Variants in CBX3 observed in about 807,000 individuals in gnomAD.
CBX3 encodes the protein chromobox protein homolog 3.
CBX3 carries 5 observed loss-of-function variants against 22.6 expected under a neutral mutation model. The ratio of observed to expected loss-of-function variants is 0.22; its 90% CI spans 0.12 to 0.47. The LOEUF is 0.47. Among genes scored for constraint, CBX3 ranks in the 20% least tolerant of loss-of-function variants. The pLI is 0.99. For synonymous variants in CBX3, 50 were observed against 66.6 expected (o/e 0.75, Z 1.21); for missense variants, 83 against 208.1 (o/e 0.40, Z 3.70).
intron 4 of CBX3, among the ~76,000 whole-genome samples, chr7:26,209,711 C>T (rs1269715995): frequency 3.9e-5 from 6 of 152,050 alleles, no homozygotes; most frequent in African/African-American, 1.2e-4. Flanking sequence ...GTCTCTGTGG[C>T]GTCAGGCAAA....
intron 3 of CBX3, 131 bp from the exon 4 acceptor site, chr7:26,208,262 A>C: frequency 1.6e-6 from 1 of 623,656 alleles, no homozygotes; most frequent in Non-Finnish European, 2.6e-6. Flanking sequence ...GTAGGGAAGG[A>C]GGAAATGATT....
chr7:26,208,581 C>T lies in CBX3; in HGVS notation c.330+26C>T, dbSNP rs762553190. On this transcript the variant is annotated intron_variant, in intron 4 of 5. Coordinates refer to ENST00000396386, the MANE Select transcript of CBX3 (RefSeq NM_016587.4). ...GTAAGTATAAAATATTGCCCACCAG[C>T]TTGTCCTTTTGTAAAAGGTTGATGG... The T allele has an allele frequency of 3.2e-6, 5 of 1,560,658 alleles. No individual in the cohort carries two copies. The African/African-American group carries it at 6.9e-5, about 21-fold the overall frequency.
intron 1 of CBX3, 33 bp from the exon 2 acceptor site, chr7:26,202,938 C>A (rs1467480738): frequency 1.0e-5 from 14 of 1,378,192 alleles, no homozygotes. Flanking sequence ...TTGTGTCATG[C>A]AAACTTACCT....
At chr7:26,211,955 C>A in intron 5 of CBX3, 127 bp from the exon 6 acceptor site, 1 of 930,288 alleles carries the variant, frequency 1.1e-6, no homozygotes, top group Non-Finnish European at 1.5e-6. Flanking sequence ...AACATAGCAA[C>A]AAGTAACATA....
chr7:26,207,454 C>T (rs36032567), intron 3 of CBX3, among the ~76,000 whole-genome samples: 2 of 152,098 alleles, frequency 1.3e-5, no homozygotes, highest in East Asian at 3.9e-4. Context: ...TCTCCCAAAA[C>T]TTAAGGCCAC....
intron 4 of CBX3, among the ~76,000 whole-genome samples, chr7:26,209,229 T>TA (rs1274078590): frequency 6.6e-6 from 1 of 152,206 alleles, no homozygotes; most frequent in African/African-American, 2.4e-5. Context: ...CTTGCTTTTT[T>TA]AAAATTCAGA....
chr7:26,202,266 CGTG>C (rs1214886904), intron 1 of CBX3: 1 of 152,038 alleles, frequency 6.6e-6, no homozygotes, highest in Non-Finnish European at 1.5e-5. Context: ...GCCCAGTTAA[CGTG>C]GCCGCCGCGG....
Position 26,203,031 on chromosome 7 carries a change from A to G in CBX3, c.24+9A>G. On this transcript the variant is annotated intron_variant, in intron 2 of 5. Coordinates refer to ENST00000396386, the MANE Select transcript of CBX3 (RefSeq NM_016587.4). ...CCAACAAAACTACATTGGTAAGTTA[A>G]TGAAAACCTAAAATATGTAAGGATT... 2.0e-6 allele frequency: 3 copies of G among 1,503,900 alleles called. No homozygotes were observed. The highest frequency in any genetic ancestry group is 2.7e-6 in the Non-Finnish European group (3 of 1,115,942). The allele number at this position is 1,503,900 out of a possible 1,614,324, so 93.2% of individuals were successfully genotyped here. A position where few individuals can be genotyped will look rare whatever the true frequency, so the allele number is the denominator to read the frequency against.
At chr7:26,203,630 C>G (rs1014973699) in intron 2 of CBX3, among the ~76,000 whole-genome samples, 3 of 151,934 alleles carry the variant, frequency 2.0e-5, no homozygotes, top group African/African-American at 7.3e-5. Context: ...CTTATTCAGC[C>G]ATGTCATGTT....
chr7:26,211,954 A>G (rs950324514), intron 5 of CBX3, 128 bp from the exon 6 acceptor site: 23 of 929,084 alleles, frequency 2.5e-5, no homozygotes, highest in Non-Finnish European at 3.6e-5. Context: ...GAACATAGCA[A>G]CAAGTAACAT....
At chr7:26,210,920 C>G (rs900033537) in intron 4 of CBX3, among the ~76,000 whole-genome samples, 1 of 151,998 alleles carries the variant, frequency 6.6e-6, no homozygotes, top group African/African-American at 2.4e-5. Context: ...ACTCTGGAAT[C>G]CCCAGTGAAT....
chr7:26,203,642 C>A (rs923274617), intron 2 of CBX3, among the ~76,000 whole-genome samples: 1 of 151,974 alleles, frequency 6.6e-6, no homozygotes, highest in South Asian at 2.1e-4. Flanking sequence ...TGTCATGTTA[C>A]AAGTTTTTTT....
intron 4 of CBX3, chr7:26,210,554 C>CT (rs1784779944): frequency 1.3e-5 from 2 of 152,120 alleles, no homozygotes; most frequent in Non-Finnish European, 2.9e-5. Context: ...ATGTAAAACT[C>CT]TGACAGGAAT....
intron 2 of CBX3, 167 bp from the exon 3 acceptor site, chr7:26,206,201 T>C (rs958146439): frequency 2.5e-5 from 14 of 559,366 alleles, no homozygotes; most frequent in Non-Finnish European, 4.4e-5. Context: ...AAAGCATTCT[T>C]TTATTTTATT....
intron 4 of CBX3, 50 bp from the exon 5 acceptor site, chr7:26,211,612 A>C (rs376571594): frequency 1.0e-5 from 12 of 1,186,372 alleles, no homozygotes; most frequent in Non-Finnish European, 1.5e-5. Context: ...ACGCCATGAA[A>C]ACAATTTAAT....
chr7:26,208,277 T>G, intron 3 of CBX3, 116 bp from the exon 4 acceptor site: 1 of 689,942 alleles, frequency 1.4e-6, no homozygotes, highest in Non-Finnish European at 2.3e-6. Flanking sequence ...ATGATTAGTA[T>G]CTGCAGTACA....
At chr7:26,206,810 T>C (rs1293682901) in intron 3 of CBX3, among the ~76,000 whole-genome samples, 1 of 152,230 alleles carries the variant, frequency 6.6e-6, no homozygotes. Context: ...CTAATTAGAA[T>C]AATCTGCATT....
chr7:26,203,295 T>C, intron 2 of CBX3, among the ~76,000 whole-genome samples: 1 of 152,298 alleles, frequency 6.6e-6, no homozygotes, highest in Non-Finnish European at 1.5e-5. Flanking sequence ...CAAATAGAAA[T>C]ACACACATTT....
Position 26,212,837 on chromosome 7 carries a change from G to A in CBX3, c.*629G>A, listed in dbSNP as rs3735554. 6.6e-6 allele frequency: 1 copy of A among 152,256 alleles called. No homozygotes were observed. Among genetic ancestry groups the A allele is most frequent in the Non-Finnish European group, 1.5e-5 (1 of 68,046 alleles). 9.4% of individuals were successfully genotyped at this position (152,256 alleles called of 1,614,324 possible). On this transcript the variant is annotated 3_prime_UTR_variant, in exon 6 of 6. Transcript: ENST00000396386. Reference sequence around the variant, plus strand: ...GGATAATTTTAAAGTGTCTATAATTGCAGTGGTTTATTTGCAAAATTCCTA... The same window carrying A: ...GGATAATTTTAAAGTGTCTATAATTACAGTGGTTTATTTGCAAAATTCCTA...
Sources: allele counts gnomAD v4.1 joint callset (sites outside exome capture counted in the v4.1 genomes callset), GRCh38; gene constraint gnomAD v4.1.1; transcripts MANE v1.5; gene names NCBI Gene and HGNC (gene_info 2026-07-23, HGNC 2026-07-21).